TBC1D32: variants seen among roughly 807,000 people sequenced by gnomAD.
The protein encoded by TBC1D32 is TBC1 domain family member 32, also known as protein broad-minded.
In TBC1D32, 151 loss-of-function variants were observed where a neutral mutation model predicts 170.3. That is an observed-to-expected ratio of 0.89 (90% CI 0.78 to 1.01). The LOEUF is 1.01. Among genes scored for constraint, TBC1D32 ranks in the 50% least tolerant of loss-of-function variants. The pLI, the probability that TBC1D32 is intolerant of heterozygous loss-of-function variation, is 0.00. For synonymous variants in TBC1D32, 498 were observed against 488.0 expected (o/e 1.02, Z -0.27); for missense variants, 1,464 against 1,457.1 (o/e 1.00, Z -0.08).
intron 12 of TBC1D32, among the ~76,000 whole-genome samples, chr6:121,288,862 T>G (rs2128458588): frequency 6.6e-6 from 1 of 152,198 alleles, no homozygotes; most frequent in Admixed American, 6.6e-5. Context: ...CACAAATCAA[T>G]AAACGTAATC....
At chr6:121,090,340 T>C (rs1776676920) in intron 31 of TBC1D32, among the ~76,000 whole-genome samples, 1 of 152,184 alleles carries the variant, frequency 6.6e-6, no homozygotes, top group African/African-American at 2.4e-5. Context: ...ACTTCCAAAA[T>C]GACATTATTG....
At chr6:121,305,668 G>A (rs181325988) in intron 5 of TBC1D32, among the ~76,000 whole-genome samples, 1 of 151,932 alleles carries the variant, frequency 6.6e-6, no homozygotes, top group African/African-American at 2.4e-5. Flanking sequence ...TAAATACTTT[G>A]GGAAGTCTAT....
intron 24 of TBC1D32, among the ~76,000 whole-genome samples, chr6:121,134,248 G>T (rs1403283320): frequency 6.6e-6 from 1 of 151,894 alleles, no homozygotes; most frequent in African/African-American, 2.4e-5. Context: ...TTCAAACAAA[G>T]GATGTTACTA....
intron 20 of TBC1D32, among the ~76,000 whole-genome samples, chr6:121,233,134 G>A (rs1233493272): frequency 6.6e-6 from 1 of 151,982 alleles, no homozygotes; most frequent in Non-Finnish European, 1.5e-5. Context: ...CTCTCATATG[G>A]TCTATCTTGG....
chr6:121,190,073 GACACACACACACACAC>G (rs533974518), intron 22 of TBC1D32, among the ~76,000 whole-genome samples: 2,357 of 63,648 alleles, frequency 0.037, 72 homozygotes, highest in African/African-American at 0.07. Context: ...GCCCAATACA[GACACACACACACACAC>G]ACACACACAC....
intron 1 of TBC1D32, among the ~76,000 whole-genome samples, chr6:121,332,652 A>G (rs1421213393): frequency 3.9e-5 from 6 of 152,294 alleles, no homozygotes; most frequent in African/African-American, 2.4e-5. Flanking sequence ...AATCCCAAAC[A>G]TAATGCTTTA....
chr6:121,303,270 C>A (rs1034057941), intron 9 of TBC1D32, among the ~76,000 whole-genome samples: 2 of 152,196 alleles, frequency 1.3e-5, no homozygotes, highest in Admixed American at 6.5e-5. Flanking sequence ...TTATGTTCTA[C>A]CACATTTGCT....
rs1248616746 is a variant in TBC1D32 at position 121,113,130 on chromosome 6, A to G, written c.3101T>C (p.Leu1034Pro). The change falls in exon 28 of 32, where the codon CTT becomes CCT. Residue 1034 changes from leucine (L) to proline (P), a missense_variant. Physicochemically the swap from Leu to Pro is moderately conservative, Grantham distance 98. Around this residue, in one of 3 missense-constraint regions of TBC1D32, gnomAD observed 1,363 missense variants for 1,338.1 expected, o/e 1.02. Transcript: ENST00000398212. ...SLLKDGAEND[L>P]TWVLKHCERF... ...CTCACAATGCTTTAAAACCCAGGTA[A>G]GATCATTTTCTGCACCATCTTTTAA... is the stretch of plus-strand genomic sequence containing the variant. 1 of 1,611,836 alleles carries G rather than the reference A, an allele frequency of 6.2e-7. No individual in the cohort carries two copies. Among genetic ancestry groups the G allele is most frequent in the African/African-American group, 1.3e-5 (1 of 74,820 alleles).
intron 15 of TBC1D32, among the ~76,000 whole-genome samples, chr6:121,268,466 C>T (rs1800865590): frequency 6.6e-6 from 1 of 152,078 alleles, no homozygotes; most frequent in Admixed American, 6.5e-5. Context: ...GTGACGCATG[C>T]AAAAGCTTCA....
At chr6:121,245,678 C>A (rs146249529) in intron 17 of TBC1D32, among the ~76,000 whole-genome samples, 12 of 152,258 alleles carry the variant, frequency 7.9e-5, no homozygotes, top group East Asian at 5.8e-4. Context: ...CACCTACAGA[C>A]AGCCTTCCTA....
At chr6:121,281,473 A>G in intron 14 of TBC1D32, 71 bp downstream of exon 14, 1 of 1,233,780 alleles carries the variant, frequency 8.1e-7, no homozygotes, top group Admixed American at 2.5e-5. Context: ...AAATTTAGAA[A>G]TAAAGTCCCA....
intron 4 of TBC1D32, 86 bp from the exon 5 acceptor site, chr6:121,308,187 A>G (rs896939585): frequency 3.9e-6 from 5 of 1,271,674 alleles, no homozygotes; most frequent in Admixed American, 4.3e-5. Context: ...AAACTACTAA[A>G]AGGTAAAGTC....
intron 13 of TBC1D32, among the ~76,000 whole-genome samples, chr6:121,282,481 T>C (rs1338136581): frequency 2.8e-5 from 4 of 144,462 alleles, no homozygotes; most frequent in Admixed American, 1.6e-4. Flanking sequence ...CTTTGGAAAC[T>C]ATTCTAACTT....
At chr6:121,110,039 C>T (rs1277491204) in intron 29 of TBC1D32, among the ~76,000 whole-genome samples, 1 of 151,900 alleles carries the variant, frequency 6.6e-6, no homozygotes, top group East Asian at 1.9e-4. Context: ...AGCACGAAGT[C>T]AGGAGATCGA....
intron 30 of TBC1D32, among the ~76,000 whole-genome samples, chr6:121,098,833 G>T: frequency 6.6e-6 from 1 of 151,894 alleles, no homozygotes; most frequent in Non-Finnish European, 1.5e-5. Flanking sequence ...TAAAGGATAA[G>T]TACTGACAAG....
chr6:121,087,431 C>T (rs752747003), intron 31 of TBC1D32, among the ~76,000 whole-genome samples: 1 of 152,092 alleles, frequency 6.6e-6, no homozygotes, highest in Admixed American at 6.5e-5. Context: ...AAATCTTGAG[C>T]CTAAACCAAA....
At chr6:121,124,537 C>T (rs1463348975) in intron 26 of TBC1D32, among the ~76,000 whole-genome samples, 2 of 151,886 alleles carry the variant, frequency 1.3e-5, no homozygotes, top group African/African-American at 4.8e-5. Context: ...AATTGTTGAC[C>T]TTTGACCTTC....
chr6:121,085,268 C>CACATATATAT (rs1684309769), intron 31 of TBC1D32, among the ~76,000 whole-genome samples: 1 of 146,006 alleles, frequency 6.8e-6, no homozygotes, highest in African/African-American at 2.5e-5. Flanking sequence ...CACATATATA[C>CACATATATAT]ATATATACGT....
At chr6:121,245,236 G>A (rs1246713623) in intron 17 of TBC1D32, among the ~76,000 whole-genome samples, 1 of 152,216 alleles carries the variant, frequency 6.6e-6, no homozygotes, top group Non-Finnish European at 1.5e-5. Context: ...CAGAGCAGGT[G>A]CTGGTATCCA....
Sources: allele counts gnomAD v4.1 joint callset (sites outside exome capture counted in the v4.1 genomes callset), GRCh38; gene constraint gnomAD v4.1.1; regional missense constraint gnomAD v4.1.1; transcripts MANE v1.5; gene names NCBI Gene and HGNC (gene_info 2026-07-23, HGNC 2026-07-21).